Variants in VAC14 observed in about 807,000 individuals in gnomAD.
VAC14 encodes the protein protein VAC14 homolog.
Under a neutral mutation model 85.3 loss-of-function variants are expected in VAC14, and 47 were observed. That is an observed-to-expected ratio of 0.55 (90% confidence interval 0.44 to 0.70). VAC14 has a LOEUF of 0.70. Ranked by LOEUF, VAC14 falls within the 30% of genes least tolerant of loss-of-function variation. The pLI is 0.00. For missense variants in VAC14, 861 were observed against 1,004.3 expected (o/e 0.86, Z 1.93); for synonymous variants, 447 against 430.5 (o/e 1.04, Z -0.47).
intron 14 of VAC14, among the ~76,000 whole-genome samples, chr16:70,713,091 A>G (rs1262369133): frequency 6.6e-6 from 1 of 152,236 alleles, no homozygotes; most frequent in East Asian, 1.9e-4. Context: ...ATCTAAAACC[A>G]GGCAAACCTC....
intron 1 of VAC14, among the ~76,000 whole-genome samples, chr16:70,800,523 T>C (rs2034739139): frequency 6.6e-6 from 1 of 152,206 alleles, no homozygotes. Flanking sequence ...TGCCATGCAC[T>C]GTGCAAAGCA....
intron 12 of VAC14, among the ~76,000 whole-genome samples, chr16:70,752,523 C>T (rs532653408): frequency 2.6e-5 from 4 of 152,334 alleles, no homozygotes; most frequent in African/African-American, 4.8e-5. Flanking sequence ...GGGCAGGGAA[C>T]GGGGTGGTGC....
chr16:70,777,878 G>C (rs1188083427), intron 9 of VAC14, among the ~76,000 whole-genome samples: 3 of 152,200 alleles, frequency 2.0e-5, no homozygotes, highest in Non-Finnish European at 4.4e-5. Flanking sequence ...GGAAGAGTGA[G>C]CAGGAGAGGC....
At position 70,687,986 on chromosome 16, in the gene VAC14, T is replaced by C; in HGVS notation, c.2291A>G (p.Glu764Gly). 6.2e-7 allele frequency: 1 copy of C among 1,600,792 alleles called. No homozygotes were observed. The change falls in exon 19 of 19, where the codon GAA (glutamate) becomes GGA (glycine). Residue 764 changes from glutamate (E) to glycine (G), a missense_variant. Coordinates refer to ENST00000261776, the MANE Select transcript of VAC14 (RefSeq NM_018052.5). The stretch of plus-strand genomic sequence containing the variant: ...ACGCCCGCTCCGCTGGTGCCGCACT[T>C]CCAGGTGCTTGTTCTGGACCTTCTC... ...HFEKVQNKHLEVRHQRSGRGD... is the reference protein window; with the variant it reads ...HFEKVQNKHLGVRHQRSGRGD...
intron 13 of VAC14, among the ~76,000 whole-genome samples, chr16:70,734,533 A>G (rs1410089079): frequency 2.0e-5 from 3 of 152,190 alleles, no homozygotes; most frequent in South Asian, 2.1e-4. Flanking sequence ...TTGGTGTCAT[A>G]GCTATGAAAT....
intron 1 of VAC14, among the ~76,000 whole-genome samples, chr16:70,787,930 A>G (rs977735527): frequency 8.5e-5 from 13 of 152,298 alleles, no homozygotes; most frequent in Middle Eastern, 6.8e-3. Context: ...TGAAATGAGG[A>G]CAGGAAGCGT....
chr16:70,755,203 G>C (rs1478746800), intron 12 of VAC14: 1 of 348,198 alleles, frequency 2.9e-6, no homozygotes, highest in Non-Finnish European at 5.8e-6. Context: ...GTGGAAGATG[G>C]AGAGGGCTTC....
intron 1 of VAC14, among the ~76,000 whole-genome samples, chr16:70,796,011 C>T (rs1175754421): frequency 6.6e-6 from 1 of 152,216 alleles, no homozygotes; most frequent in African/African-American, 2.4e-5. Flanking sequence ...AGCCTGGCAT[C>T]TTCCCACCCT....
At chr16:70,705,340 G>A (rs1290013904) in intron 14 of VAC14, among the ~76,000 whole-genome samples, 1 of 152,244 alleles carries the variant, frequency 6.6e-6, no homozygotes, top group African/African-American at 2.4e-5. Flanking sequence ...AGAGGCCGAG[G>A]GCCCAGGAAT....
intron 10 of VAC14, chr16:70,768,781 C>G (rs2032997860): frequency 2.2e-6 from 1 of 452,768 alleles, no homozygotes; most frequent in Non-Finnish European, 4.4e-6. Flanking sequence ...AAAGTGAATT[C>G]AGAATTTCAT....
intron 13 of VAC14, among the ~76,000 whole-genome samples, chr16:70,737,570 C>G (rs3785420): frequency 0.92 from 139,712 of 152,230 alleles, 64,428 homozygotes; most frequent in African/African-American, 0.98. Flanking sequence ...AGCCTGCCAG[C>G]CCCTGGCAGG....
At chr16:70,772,229 C>T (rs1044420114) in intron 9 of VAC14, 57 bp from the exon 10 acceptor site, 1 of 1,463,682 alleles carries the variant, frequency 6.8e-7, no homozygotes, top group Non-Finnish European at 9.6e-7. Context: ...CTTGAATAAA[C>T]AAGACCCCTG....
At position 70,718,573 on chromosome 16, in the gene VAC14, T is replaced by TAA. The variant is rs1202785836; in HGVS notation, c.1661+12920_1661+12921dup. The stretch of plus-strand genomic sequence containing the variant: ...TGGGTGACAGAATGAGACTCCTTTT[T>TAA]AAAAAAAAAAAAAACAAAAAAACAA... On this transcript the variant is annotated intron_variant, in intron 14 of 18. Transcript: ENST00000261776. 3.4e-4 allele frequency among the ~76,000 whole-genome samples: 49 copies of TAA among 143,228 alleles called. 2 individuals are homozygous for TAA. Among genetic ancestry groups the TAA allele is most frequent in the South Asian group, 9.1e-4 (4 of 4,402 alleles). 94.0% of individuals were successfully genotyped at this position (143,228 alleles called of 152,430 possible).
At chr16:70,691,111 T>G (rs2053587341) in intron 18 of VAC14, 1 of 985,526 alleles carries the variant, frequency 1.0e-6, no homozygotes, top group Non-Finnish European at 1.2e-6. Flanking sequence ...TGACTGACCG[T>G]GGGAGATTCT....
chr16:70,783,230 AC>A, intron 6 of VAC14, 91 bp from the exon 7 acceptor site: 1 of 1,379,616 alleles, frequency 7.2e-7, no homozygotes, highest in Non-Finnish European at 1.0e-6. Flanking sequence ...TGGGTCAGCC[AC>A]CCAGAGGGCG....
chr16:70,692,071 C>T, intron 18 of VAC14: 1 of 982,646 alleles, frequency 1.0e-6, no homozygotes, highest in East Asian at 1.2e-4. Flanking sequence ...AATTTTCCAT[C>T]TCGGATGCCA....
At chr16:70,695,149 T>C (rs1418462751) in intron 17 of VAC14, among the ~76,000 whole-genome samples, 3 of 150,550 alleles carry the variant, frequency 2.0e-5, no homozygotes, top group Non-Finnish European at 3.0e-5. Flanking sequence ...TCTTGCTCTG[T>C]CACCCAGGCT....
chr16:70,762,484 C>T lies in VAC14; in HGVS notation c.1371+56G>A. 5.2e-6 allele frequency: 8 copies of T among 1,541,390 alleles called. No individual in the cohort carries two copies. The highest frequency in any genetic ancestry group is 7.2e-6 in the Non-Finnish European group (8 of 1,116,168). ...AAAATAAGCATATCTCAGTCACTAA[C>T]AAGGGGAGGCAGGGCAGCCGATGTT... is the stretch of plus-strand genomic sequence containing the variant. On this transcript the variant is annotated intron_variant, in intron 12 of 18. Coordinates refer to ENST00000261776, the MANE Select transcript of VAC14 (RefSeq NM_018052.5). The surrounding 1 kb of genome is among the most constrained non-coding windows in gnomAD (Gnocchi z 4.1).
chr16:70,784,263 G>C (rs2033948574), intron 4 of VAC14, 43 bp from the exon 5 acceptor site: 1 of 1,563,338 alleles, frequency 6.4e-7, no homozygotes, highest in Non-Finnish European at 8.8e-7. Context: ...CCCGAGACCA[G>C]GGCTGCCTGA....
Sources: gnomAD v4.1 joint callset for allele counts (sites outside exome capture counted in the v4.1 genomes callset) on GRCh38, gnomAD v4.1.1 for gene constraint, Gnocchi (gnomAD v3.1) non-coding constraint, MANE v1.5 for transcripts, NCBI Gene and HGNC (gene_info 2026-07-23, HGNC 2026-07-21) for gene names.